The following KIAA1958 variants were observed in gnomAD, a reference collection of about 807,000 sequenced individuals.
The protein encoded by KIAA1958 is KIAA1958, also known as uncharacterized protein KIAA1958.
A neutral mutation model predicts 47.2 loss-of-function variants in KIAA1958; 14 were observed. The ratio of observed to expected loss-of-function variants is 0.30; its 90% confidence interval spans 0.20 to 0.46. The LOEUF is 0.46. KIAA1958 is among the 20% of genes least tolerant of loss of function. KIAA1958 has a pLI of 1.00. For synonymous variants in KIAA1958, 354 were observed against 353.3 expected, an observed-to-expected ratio of 1.00 and a Z score of -0.02; for missense variants, 803 against 909.2, an observed-to-expected ratio of 0.88 and a Z score of 1.50.
At chr9:112,605,339 G>A (rs1335649217) in intron 2 of KIAA1958, among the ~76,000 whole-genome samples, 1 of 152,140 alleles carries the variant, frequency 6.6e-6, no homozygotes, top group African/African-American at 2.4e-5. Flanking sequence ...GGGGAAAAGT[G>A]AAGTGGTGGT....
intron 1 of KIAA1958, among the ~76,000 whole-genome samples, chr9:112,529,055 C>A (rs1254137644): frequency 1.3e-5 from 2 of 152,142 alleles, no homozygotes; most frequent in Non-Finnish European, 2.9e-5. Flanking sequence ...CACATTTATT[C>A]TTTCCAAAAA....
chr9:112,619,535 T>G (rs956835183), intron 2 of KIAA1958, among the ~76,000 whole-genome samples: 1 of 152,202 alleles, frequency 6.6e-6, no homozygotes, highest in African/African-American at 2.4e-5. Context: ...TCTAGATGTT[T>G]AGCTAACATC....
chr9:112,529,834 T>G (rs1021005913), intron 1 of KIAA1958, among the ~76,000 whole-genome samples: 2 of 88,274 alleles, frequency 2.3e-5, no homozygotes, highest in African/African-American at 9.9e-5. Flanking sequence ...GAAGTTAGAC[T>G]CCTCTTACTT....
intron 1 of KIAA1958, among the ~76,000 whole-genome samples, chr9:112,519,394 T>C (rs1834498604): frequency 6.6e-6 from 1 of 152,200 alleles, no homozygotes; most frequent in Non-Finnish European, 1.5e-5. Context: ...GTTTTCAGGG[T>C]CCGATTGGAA....
At chr9:112,653,632 C>T (rs1198625674) in intron 3 of KIAA1958, among the ~76,000 whole-genome samples, 7 of 151,986 alleles carry the variant, frequency 4.6e-5, no homozygotes, top group African/African-American at 1.2e-4. Flanking sequence ...AGGCCACGTG[C>T]GGTCACACCT....
intron 2 of KIAA1958, among the ~76,000 whole-genome samples, chr9:112,591,586 A>G (rs1050869905): frequency 3.6e-4 from 55 of 151,854 alleles, no homozygotes; most frequent in African/African-American, 1.1e-3. Context: ...GTTAGACTAC[A>G]TATTATTCTT....
At chr9:112,628,428 G>A (rs1241537290) in intron 2 of KIAA1958, among the ~76,000 whole-genome samples, 3 of 152,164 alleles carry the variant, frequency 2.0e-5, no homozygotes, top group African/African-American at 4.8e-5. Context: ...AGAATATGCT[G>A]TAGACATTTG....
At chr9:112,489,869 A>G (rs981622408) in intron 1 of KIAA1958, among the ~76,000 whole-genome samples, 1 of 152,238 alleles carries the variant, frequency 6.6e-6, no homozygotes, top group Non-Finnish European at 1.5e-5. Flanking sequence ...CAAGAAGCCT[A>G]AAATGGCCAC....
chr9:112,495,229 T>G (rs1306526534), intron 1 of KIAA1958, among the ~76,000 whole-genome samples: 2 of 152,210 alleles, frequency 1.3e-5, no homozygotes, highest in Non-Finnish European at 2.9e-5. Flanking sequence ...TTAATTCCTC[T>G]TATTCCTTTT....
At chr9:112,628,029 A>G (rs1263214840) in intron 2 of KIAA1958, among the ~76,000 whole-genome samples, 1 of 152,212 alleles carries the variant, frequency 6.6e-6, no homozygotes, top group Non-Finnish European at 1.5e-5. Flanking sequence ...AAAATTTAAT[A>G]TGGGAGGAAT....
chr9:112,507,761 T>C (rs1834255723), intron 1 of KIAA1958, among the ~76,000 whole-genome samples: 1 of 152,056 alleles, frequency 6.6e-6, no homozygotes, highest in Non-Finnish European at 1.5e-5. Flanking sequence ...TTTTTCTTTC[T>C]CTCTCTCTCT....
chr9:112,633,216 T>C (rs1182728690), intron 2 of KIAA1958, among the ~76,000 whole-genome samples: 1 of 151,996 alleles, frequency 6.6e-6, no homozygotes, highest in Non-Finnish European at 1.5e-5. Flanking sequence ...TTTTTTTTTT[T>C]TTTAGGGCAA....
intron 1 of KIAA1958, among the ~76,000 whole-genome samples, chr9:112,564,312 GTTAC>G (rs1835390104): frequency 1.3e-5 from 2 of 152,128 alleles, no homozygotes; most frequent in South Asian, 4.1e-4. Context: ...TAGGCATATA[GTTAC>G]TTAGGTTTTC....
chr9:112,610,772 ATAATGG>A (rs1222438994), intron 2 of KIAA1958, among the ~76,000 whole-genome samples: 1 of 152,212 alleles, frequency 6.6e-6, no homozygotes, highest in Admixed American at 6.5e-5. Flanking sequence ...CAGCAGAACT[ATAATGG>A]TAATATGTAA....
chr9:112,666,837 G>C lies in KIAA1958; in HGVS notation c.*6768G>C, dbSNP rs1018734965. 1 of 152,124 alleles carries C rather than the reference G, an allele frequency of 6.6e-6. No homozygotes were observed. Among genetic ancestry groups the C allele is most frequent in the African/African-American group, 2.4e-5 (1 of 41,424 alleles). The allele number at this position is 152,124 out of a possible 1,614,324, so 9.4% of individuals were successfully genotyped here. ...AATACTAGCTGATGCTTATTACACC[G>C]GGAAGAGAAAAAGTTCATATCCACC... On this transcript the variant is annotated 3_prime_UTR_variant, in exon 4 of 4. Coordinates refer to ENST00000337530, the MANE Select transcript of KIAA1958 (RefSeq NM_133465.4).
At chr9:112,633,496 A>G (rs1200775527) in intron 2 of KIAA1958, among the ~76,000 whole-genome samples, 1 of 152,160 alleles carries the variant, frequency 6.6e-6, no homozygotes, top group East Asian at 1.9e-4. Context: ...GAATTATACA[A>G]TACTTATTGA....
intron 1 of KIAA1958, among the ~76,000 whole-genome samples, chr9:112,520,821 T>C (rs1466921140): frequency 6.6e-6 from 1 of 152,206 alleles, no homozygotes; most frequent in East Asian, 1.9e-4. Flanking sequence ...CATCTGTGGT[T>C]TGAATCAAGA....
chr9:112,516,959 C>CGT (rs1361134423), intron 1 of KIAA1958, among the ~76,000 whole-genome samples: 1 of 152,138 alleles, frequency 6.6e-6, no homozygotes, highest in Non-Finnish European at 1.5e-5. Flanking sequence ...GTTACAACTC[C>CGT]GTGTTTGCCT....
intron 2 of KIAA1958, among the ~76,000 whole-genome samples, chr9:112,625,271 C>A (rs1203794731): frequency 6.6e-6 from 1 of 152,156 alleles, no homozygotes; most frequent in Non-Finnish European, 1.5e-5. Context: ...CCCAACTCAA[C>A]CTCCCAAGTA....
Sources: allele counts gnomAD v4.1 joint callset (sites outside exome capture counted in the v4.1 genomes callset), GRCh38; gene constraint gnomAD v4.1.1; transcripts MANE v1.5; gene names NCBI Gene and HGNC (gene_info 2026-07-23, HGNC 2026-07-21).